TG: variants seen among roughly 807,000 people sequenced by gnomAD.
TG encodes thyroglobulin, also known as thyroid hormones.
Under a neutral mutation model 324.7 loss-of-function variants are expected in TG, and 270 were observed. The ratio of observed to expected loss-of-function variants is 0.83; its 90% CI spans 0.75 to 0.92. The LOEUF (loss-of-function observed/expected upper bound fraction) is 0.92. Ranked by LOEUF, TG falls within the 40% of genes least tolerant of loss-of-function variation. The probability of loss-of-function intolerance (pLI) is 0.00; values close to 1 mark genes in which losing one functional copy is unlikely to be tolerated. For missense variants in TG, 3,591 were observed against 3,456.4 expected, an observed-to-expected ratio of 1.04 and a Z score of -0.98; for synonymous variants, 1,401 against 1,327.0, an observed-to-expected ratio of 1.06 and a Z score of -1.21.
In TG at chr8:132,882,863, C is replaced by T. The variant is rs774341166; in HGVS notation, c.939C>T (p.His313=). The change falls in exon 8 of 48, where the codon CAC becomes CAT. Residue 313 remains histidine (H), a synonymous_variant. Transcript: ENST00000220616. ...VERFTATSFG[H]PYVPSCRRNG... ...GGTTTACAGCAACCAGCTTTGGTCA[C>T]CCCTATGTTCCAAGCTGCCGCCGAA... 9.3e-6 allele frequency: 15 copies of T among 1,614,208 alleles called. No homozygotes were observed. The highest frequency in any genetic ancestry group is 1.1e-5 in the South Asian group (1 of 91,088).
At chr8:133,084,713 T>C (rs1846259080) in intron 41 of TG, among the ~76,000 whole-genome samples, 1 of 152,206 alleles carries the variant, frequency 6.6e-6, no homozygotes. Flanking sequence ...CCTCTCCATT[T>C]CCCAGCAGAA....
chr8:133,095,772 C>T (rs777173226), intron 42 of TG, among the ~76,000 whole-genome samples: 2 of 152,220 alleles, frequency 1.3e-5, no homozygotes, highest in Non-Finnish European at 2.9e-5. Context: ...GGCCTGATCG[C>T]CTTAGCAATG....
intron 27 of TG, among the ~76,000 whole-genome samples, chr8:132,951,572 G>A (rs546451276): frequency 6.6e-6 from 1 of 152,132 alleles, no homozygotes; most frequent in South Asian, 2.1e-4. Context: ...CCAGAGTAGC[G>A]GTTACCAAAA....
At chr8:133,043,647 T>C (rs2131127589) in intron 41 of TG, among the ~76,000 whole-genome samples, 1 of 152,268 alleles carries the variant, frequency 6.6e-6, no homozygotes, top group African/African-American at 2.4e-5. Flanking sequence ...CCTCACAAGG[T>C]GCAAATCTGA....
At chr8:132,934,024 A>G (rs979800200) in intron 24 of TG, among the ~76,000 whole-genome samples, 1 of 152,046 alleles carries the variant, frequency 6.6e-6, no homozygotes, top group African/African-American at 2.4e-5. Flanking sequence ...ATGCCTTTCC[A>G]TTGTAGAAAT....
rs757308206 is a variant in TG, at chr8:133,134,802, T to G, written c.*8T>G. 10 of 1,612,288 alleles carry G rather than the reference T, an allele frequency of 6.2e-6. No homozygotes were observed. In the South Asian group the frequency reaches 1.1e-4, roughly 18 times the overall value. On this transcript the variant is annotated 3_prime_UTR_variant, in exon 48 of 48. Coordinates refer to ENST00000220616, the MANE Select transcript of TG (RefSeq NM_003235.5). ...AAGACCTACAGCAAGTGACCAGCCCTTGAGCTCCCCAAAAACCTCACCCGA... is the reference window on the plus strand; with the variant it reads ...AAGACCTACAGCAAGTGACCAGCCCGTGAGCTCCCCAAAAACCTCACCCGA...
chr8:133,107,500 A>G (rs1023937009), intron 43 of TG, among the ~76,000 whole-genome samples: 5 of 152,168 alleles, frequency 3.3e-5, no homozygotes, highest in Admixed American at 1.3e-4. Flanking sequence ...ATGCAGTCAC[A>G]CGGTGGCCCC....
At chr8:132,881,621 C>A (rs568877027) in intron 5 of TG, among the ~76,000 whole-genome samples, 42 of 152,290 alleles carry the variant, frequency 2.8e-4, no homozygotes, top group African/African-American at 9.6e-4. Flanking sequence ...AGGAAAACGG[C>A]TAATTGTTAG....
intron 43 of TG, chr8:133,102,429 G>T: frequency 1.2e-6 from 1 of 841,426 alleles, no homozygotes; most frequent in South Asian, 1.6e-5. Flanking sequence ...ATTTTCTTCA[G>T]ACCAAAGACG....
At chr8:133,127,908 C>A (rs977061583) in intron 45 of TG, among the ~76,000 whole-genome samples, 1 of 152,112 alleles carries the variant, frequency 6.6e-6, no homozygotes, top group African/African-American at 2.4e-5. Context: ...ACCCACATGC[C>A]CTTCCTCGCC....
intron 41 of TG, among the ~76,000 whole-genome samples, chr8:133,039,340 C>T (rs2131062109): frequency 6.6e-6 from 1 of 152,308 alleles, no homozygotes; most frequent in South Asian, 2.1e-4. Context: ...GGATGGCTGA[C>T]ACTTCCAGCT....
rs1465564344 is a variant in TG at position 133,090,331 on chromosome 8, AG to A, written c.7240-4711del. Among the ~76,000 whole-genome samples, 9 of 152,222 alleles carry A rather than the reference AG, an allele frequency of 5.9e-5. No homozygotes were observed. The East Asian group carries it at 1.7e-3, about 29-fold the overall frequency. The stretch of plus-strand genomic sequence containing the variant: ...GTTTGGAGTTGGAACACCTGGGTTC[AG>A]GTTCTGTGCAGCAGAGAATTTCTCC... On this transcript the variant is annotated intron_variant, in intron 41 of 47. Transcript: ENST00000220616.
chr8:132,973,487 G>T (rs1212454134), intron 34 of TG, among the ~76,000 whole-genome samples: 1 of 142,380 alleles, frequency 7.0e-6, no homozygotes, highest in Admixed American at 6.7e-5. Flanking sequence ...TTTACAGTGT[G>T]GCATAAGAGC....
At chr8:132,935,223 C>A (rs998128709) in intron 24 of TG, among the ~76,000 whole-genome samples, 2 of 151,764 alleles carry the variant, frequency 1.3e-5, no homozygotes, top group African/African-American at 2.4e-5. Context: ...TCACTGCAAC[C>A]TCCGCCTCCC....
chr8:133,026,421 G>A (rs910255298), intron 40 of TG, among the ~76,000 whole-genome samples: 1 of 152,238 alleles, frequency 6.6e-6, no homozygotes, highest in African/African-American at 2.4e-5. Flanking sequence ...GATGTGAGCA[G>A]TTGGAAAGGA....
At chr8:132,971,742 C>A in intron 32 of TG, 52 bp from the exon 33 acceptor site, 2 of 1,290,062 alleles carry the variant, frequency 1.6e-6, no homozygotes, top group South Asian at 1.2e-5. Flanking sequence ...CCCAGTAGGT[C>A]CTGGGTCACC....
chr8:133,118,348 G>A (rs1454488646), intron 45 of TG, among the ~76,000 whole-genome samples: 9 of 139,814 alleles, frequency 6.4e-5, no homozygotes, highest in Admixed American at 5.8e-4. Context: ...TTTTTTTGAC[G>A]GGGTCTCCCT....
At chr8:133,031,340 G>T (rs966795028) in intron 41 of TG, among the ~76,000 whole-genome samples, 5 of 152,108 alleles carry the variant, frequency 3.3e-5, no homozygotes, top group African/African-American at 9.7e-5. Context: ...TGCGCAGAGG[G>T]ACCACATTTT....
At chr8:132,900,490 C>T (rs1587319027) in intron 15 of TG, 151 bp downstream of exon 15, 4 of 743,634 alleles carry the variant, frequency 5.4e-6, no homozygotes, top group Non-Finnish European at 9.2e-6. Context: ...GTTTTCTCAT[C>T]TATGAAATCG....
Sources: gnomAD v4.1 joint callset for allele counts (sites outside exome capture counted in the v4.1 genomes callset) on GRCh38, gnomAD v4.1.1 for gene constraint, MANE v1.5 for transcripts, NCBI Gene and HGNC (gene_info 2026-07-23, HGNC 2026-07-21) for gene names.